The following GFM1 variants were observed in gnomAD, a reference collection of about 807,000 sequenced individuals.
GFM1 encodes G elongation factor mitochondrial 1.
Under a neutral mutation model 96.2 loss-of-function variants are expected in GFM1, and 62 were observed. The ratio of observed to expected loss-of-function variants is 0.64; its 90% CI spans 0.53 to 0.80. The LOEUF (loss-of-function observed/expected upper bound fraction) is 0.80. Ranked by LOEUF, GFM1 falls within the 30% of genes least tolerant of loss-of-function variation. The probability of loss-of-function intolerance (pLI) is 0.00; values close to 1 mark genes in which losing one functional copy is unlikely to be tolerated. For missense variants in GFM1, 852 were observed against 916.6 expected (o/e 0.93, Z 0.91); for synonymous variants, 282 against 312.9 (o/e 0.90, Z 1.04).
intron 13 of GFM1, among the ~76,000 whole-genome samples, chr3:158,680,108 T>G (rs1576783735): frequency 1.3e-5 from 2 of 152,174 alleles, no homozygotes; most frequent in East Asian, 1.9e-4. Context: ...GTATATATAT[T>G]TTTCGTTGTT....
At chr3:158,668,486 T>A (rs750419932) in intron 13 of GFM1, among the ~76,000 whole-genome samples, 17 of 152,222 alleles carry the variant, frequency 1.1e-4, no homozygotes, top group Admixed American at 7.9e-4. Context: ...GTCTTGCTGC[T>A]ACTAATAAAA....
chr3:158,683,475 TCAA>T lies in GFM1; in HGVS notation c.1765-1045_1765-1043del, dbSNP rs917881995. Reference sequence around the variant, plus strand: ...CAGTTTATTGTATATCAATTATACTTCAACAAAGCTATTCTTTTAAAATAATTA... The same window carrying T: ...CAGTTTATTGTATATCAATTATACTTCAAAGCTATTCTTTTAAAATAATTA... On this transcript the variant is annotated intron_variant, in intron 14 of 17. Transcript: ENST00000486715. Among the ~76,000 whole-genome samples the T allele has an allele frequency of 5.7e-4, 87 of 152,362 alleles. 1 individual carries two copies. The highest frequency in any genetic ancestry group is 2.1e-3 in the African/African-American group (86 of 41,584).
rs749083761 is a variant in GFM1 at position 158,646,954 on chromosome 3, A to G, written c.572+7A>G. On this transcript the variant is annotated splice_region_variant and intron_variant, in intron 4 of 17. Transcript: ENST00000486715. ...GGGCCCTGCAGCAAATGAGGTAATG[A>G]GCCTTAGAATAAACAAAGAGGATGT... The G allele has an allele frequency of 6.2e-7, 1 of 1,609,440 alleles. No individual in the cohort carries two copies. The highest frequency in any genetic ancestry group is 1.3e-5 in the African/African-American group (1 of 74,864).
chr3:158,688,576 A>T (rs1461418911), intron 15 of GFM1, among the ~76,000 whole-genome samples: 1 of 152,198 alleles, frequency 6.6e-6, no homozygotes, highest in African/African-American at 2.4e-5. Context: ...ATCTGCTCAC[A>T]TATCTCCTTC....
At chr3:158,681,143 C>G (rs1725344320) in intron 13 of GFM1, among the ~76,000 whole-genome samples, 1 of 152,276 alleles carries the variant, frequency 6.6e-6, no homozygotes, top group Non-Finnish European at 1.5e-5. Context: ...TTTGCTTCTT[C>G]CAAACCACTC....
chr3:158,653,471 A>G lies in GFM1; in HGVS notation c.998+4A>G. 1 of 1,607,470 alleles carries G rather than the reference A, an allele frequency of 6.2e-7. No individual in the cohort carries two copies. The highest frequency in any genetic ancestry group is 2.2e-5 in the East Asian group (1 of 44,786). On this transcript the variant is annotated splice_donor_region_variant and intron_variant, in intron 7 of 17. Coordinates refer to ENST00000486715, the MANE Select transcript of GFM1 (RefSeq NM_024996.7). ...ATGCTATTCTCAATAAAGAGGAGTAAGTCTTGAAAATTGAATCTTAGTTTA... is the reference window on the plus strand; with the variant it reads ...ATGCTATTCTCAATAAAGAGGAGTAGGTCTTGAAAATTGAATCTTAGTTTA...
At chr3:158,666,273 AT>A (rs760139595) in intron 12 of GFM1, 30 bp from the exon 13 acceptor site, 16 of 1,526,336 alleles carry the variant, frequency 1.0e-5, no homozygotes, top group Non-Finnish European at 1.4e-5. Flanking sequence ...ATTTTTTTAA[AT>A]TTAAATAATA....
chr3:158,663,775 A>G (rs1430316695), intron 11 of GFM1, among the ~76,000 whole-genome samples: 4 of 152,214 alleles, frequency 2.6e-5, no homozygotes, highest in African/African-American at 9.7e-5. Context: ...AATTTACAAT[A>G]AGGAGGGAAA....
In GFM1 at chr3:158,682,026, G is replaced by A; in HGVS notation, c.1633G>A (p.Gly545Ser). ...CTTTACACATAAAAAACAATCAGGT[G>A]GTGCAGGCCAGTATGGAAAAGTAAT... ...FDFTHKKQSG[G>S]AGQYGKVIGV... The change falls in exon 14 of 18, where the codon GGT becomes AGT. Residue 545 changes from glycine to serine, a missense_variant. Gly to Ser is a moderately conservative substitution (Grantham distance 56). Transcript: ENST00000486715. 1 of 1,613,062 alleles carries A rather than the reference G, an allele frequency of 6.2e-7. No individual in the cohort carries two copies. The highest frequency in any genetic ancestry group is 8.5e-7 in the Non-Finnish European group (1 of 1,179,618).
At chr3:158,678,486 C>T (rs1266755184) in intron 13 of GFM1, among the ~76,000 whole-genome samples, 1 of 152,118 alleles carries the variant, frequency 6.6e-6, no homozygotes, top group Non-Finnish European at 1.5e-5. Flanking sequence ...ATGGATGACT[C>T]TGAGGAGTTT....
chr3:158,645,622 T>C lies in GFM1; in HGVS notation c.82-7T>C. ...TGCATAGAATTGAGCTCTCGTATTT[T>C]TTTCAGGTTAATTGGAAGGCCTGCC... On this transcript the variant is annotated splice_polypyrimidine_tract_variant and splice_region_variant and intron_variant, in intron 1 of 17. Coordinates refer to ENST00000486715, the MANE Select transcript of GFM1 (RefSeq NM_024996.7). 1 of 1,610,790 alleles carries C rather than the reference T, an allele frequency of 6.2e-7. No homozygotes were observed. Among genetic ancestry groups the C allele is most frequent in the Non-Finnish European group, 8.5e-7 (1 of 1,176,982 alleles).
intron 5 of GFM1, 43 bp downstream of exon 5, chr3:158,649,200 A>C (rs923231139): frequency 2.4e-6 from 2 of 833,860 alleles, no homozygotes; most frequent in Non-Finnish European, 2.1e-6. Context: ...AATTTTAAAA[A>C]GCATTAAAAA....
intron 13 of GFM1, among the ~76,000 whole-genome samples, chr3:158,677,330 C>G (rs910674307): frequency 6.6e-6 from 1 of 152,048 alleles, no homozygotes; most frequent in African/African-American, 2.4e-5. Context: ...GAGAAAGTTG[C>G]AGAAGAAAAG....
intron 13 of GFM1, among the ~76,000 whole-genome samples, chr3:158,681,683 T>C (rs1208825957): frequency 1.3e-5 from 2 of 152,122 alleles, no homozygotes; most frequent in African/African-American, 2.4e-5. Flanking sequence ...ATGGGCAAGG[T>C]TTTTGGAATA....
chr3:158,691,234 G>A (rs1198241302), intron 17 of GFM1, 42 bp downstream of exon 17: 1 of 1,603,212 alleles, frequency 6.2e-7, no homozygotes, highest in Admixed American at 1.7e-5. Flanking sequence ...CCACCCTACA[G>A]AATGATCATA....
chr3:158,662,493 T>C, intron 10 of GFM1, 135 bp from the exon 11 acceptor site: 1 of 652,726 alleles, frequency 1.5e-6, no homozygotes. Context: ...TCAAGATATA[T>C]GTTGTCTAGC....
At chr3:158,685,349 C>T (rs1725750641) in intron 15 of GFM1, 1 of 152,256 alleles carries the variant, frequency 6.6e-6, no homozygotes, top group Non-Finnish European at 1.5e-5. Context: ...CCAGAAAATT[C>T]CATTCTCTTT....
At chr3:158,682,327 A>G (rs757640959) in intron 14 of GFM1, 170 bp downstream of exon 14, 4 of 611,788 alleles carry the variant, frequency 6.5e-6, no homozygotes, top group Non-Finnish European at 8.8e-6. Context: ...TAATTCATTA[A>G]GCAGAAGAGC....
chr3:158,672,627 C>G, intron 13 of GFM1: 1 of 913,722 alleles, frequency 1.1e-6, no homozygotes, highest in South Asian at 1.6e-5. Flanking sequence ...TCAGCTCCTT[C>G]CGACTCCGGA....
Sources: allele counts gnomAD v4.1 joint callset (sites outside exome capture counted in the v4.1 genomes callset), GRCh38; gene constraint gnomAD v4.1.1; transcripts MANE v1.5; gene names NCBI Gene and HGNC (gene_info 2026-07-23, HGNC 2026-07-21).